Variants in PPP2R2B observed in about 807,000 individuals in gnomAD.
PPP2R2B encodes serine/threonine-protein phosphatase 2A 55 kDa regulatory subunit B beta isoform.
A neutral mutation model predicts 46.0 loss-of-function variants in PPP2R2B; 5 were observed. That is an observed-to-expected ratio of 0.11 (90% confidence interval 0.06 to 0.23). The LOEUF (loss-of-function observed/expected upper bound fraction) is 0.23, where lower values mean the gene tolerates loss of function less well. PPP2R2B is among the 10% of genes least tolerant of loss of function. The pLI is 1.00. For synonymous variants in PPP2R2B, 215 were observed against 206.7 expected (o/e 1.04, Z -0.34); for missense variants, 367 against 575.0 (o/e 0.64, Z 3.70).
intron 6 of PPP2R2B, among the ~76,000 whole-genome samples, 187 bp downstream of exon 6, chr5:146,650,360 A>C (rs1180569801): frequency 6.6e-6 from 1 of 152,198 alleles, no homozygotes; most frequent in Non-Finnish European, 1.5e-5. Context: ...CCCACTTGTA[A>C]TAACAATATT....
At chr5:146,893,570 A>C (rs536896571) in intron 1 of PPP2R2B, among the ~76,000 whole-genome samples, 7 of 152,200 alleles carry the variant, frequency 4.6e-5, no homozygotes, top group African/African-American at 1.7e-4. Flanking sequence ...CTGTAATCCC[A>C]GCACTTTGGG....
intron 2 of PPP2R2B, among the ~76,000 whole-genome samples, chr5:146,772,851 G>C (rs1201818573): frequency 6.6e-6 from 1 of 152,092 alleles, no homozygotes; most frequent in African/African-American, 2.4e-5. Flanking sequence ...AAAGGAATAT[G>C]GATAGAAATC....
intron 5 of PPP2R2B, among the ~76,000 whole-genome samples, chr5:146,666,209 A>G (rs150455589): frequency 1.2e-3 from 190 of 152,292 alleles, no homozygotes; most frequent in South Asian, 2.1e-3. Context: ...TAATATGTCT[A>G]GTGTGATCTC....
At chr5:146,776,384 G>C (rs907360922) in intron 2 of PPP2R2B, among the ~76,000 whole-genome samples, 1 of 151,962 alleles carries the variant, frequency 6.6e-6, no homozygotes, top group Non-Finnish European at 1.5e-5. Flanking sequence ...AGGGTGTCAA[G>C]ACCATTCATT....
At chr5:146,874,632 T>A (rs1004231356) in intron 2 of PPP2R2B, among the ~76,000 whole-genome samples, 1 of 152,222 alleles carries the variant, frequency 6.6e-6, no homozygotes, top group Non-Finnish European at 1.5e-5. Context: ...ACACCCCATC[T>A]ATGTAGAATA....
chr5:146,973,847 A>G (rs1015735759), intron 1 of PPP2R2B, among the ~76,000 whole-genome samples: 2 of 152,252 alleles, frequency 1.3e-5, no homozygotes, highest in Admixed American at 1.3e-4. Flanking sequence ...CAGTCACTGC[A>G]TTAGCGAAGG....
chr5:146,967,536 T>C (rs1752479536), intron 1 of PPP2R2B, among the ~76,000 whole-genome samples: 1 of 152,182 alleles, frequency 6.6e-6, no homozygotes, highest in African/African-American at 2.4e-5. Flanking sequence ...GGTTTGAACC[T>C]AGGCAGGCAG....
chr5:146,767,535 T>TACAC (rs1421869639), intron 2 of PPP2R2B, among the ~76,000 whole-genome samples: 7 of 150,228 alleles, frequency 4.7e-5, no homozygotes, highest in African/African-American at 1.8e-4. Context: ...AATACACACA[T>TACAC]ACATACACAC....
intron 2 of PPP2R2B, among the ~76,000 whole-genome samples, chr5:146,827,299 A>G (rs1758640801): frequency 6.6e-6 from 1 of 152,244 alleles, no homozygotes; most frequent in Non-Finnish European, 1.5e-5. Flanking sequence ...TCACTTTCAA[A>G]GTACCATTGG....
chr5:147,063,517 A>C (rs545095479), intron 2 of PPP2R2B, among the ~76,000 whole-genome samples: 4 of 152,324 alleles, frequency 2.6e-5, no homozygotes, highest in East Asian at 3.9e-4. Context: ...CCAATTATTC[A>C]GTGTATATAA....
At chr5:146,894,707 T>C (rs1762591947) in intron 1 of PPP2R2B, among the ~76,000 whole-genome samples, 1 of 152,214 alleles carries the variant, frequency 6.6e-6, no homozygotes. Context: ...CCCAAAATTC[T>C]GGTATTACAG....
intron 1 of PPP2R2B, among the ~76,000 whole-genome samples, chr5:146,892,258 T>G (rs1762512346): frequency 6.6e-6 from 1 of 152,162 alleles, no homozygotes; most frequent in African/African-American, 2.4e-5. Flanking sequence ...TATGAGCAAA[T>G]TCTCTTAACT....
intron 1 of PPP2R2B, among the ~76,000 whole-genome samples, chr5:146,948,766 A>G (rs1764564296): frequency 6.6e-6 from 1 of 152,176 alleles, no homozygotes; most frequent in East Asian, 1.9e-4. Flanking sequence ...AAATTAAGAT[A>G]ATATCCTTAC....
intron 1 of PPP2R2B, among the ~76,000 whole-genome samples, chr5:147,034,630 C>T (rs909027169): frequency 6.6e-6 from 1 of 152,122 alleles, no homozygotes; most frequent in African/African-American, 2.4e-5. Context: ...CCTGTCTCTT[C>T]TTATAGAACT....
chr5:146,592,152 G>C (rs1394104096), intron 9 of PPP2R2B: 5 of 447,244 alleles, frequency 1.1e-5, no homozygotes, highest in African/African-American at 4.0e-5. Context: ...CAACTGGTCA[G>C]TGTGACTTGG....
intron 2 of PPP2R2B, among the ~76,000 whole-genome samples, chr5:146,838,288 A>G (rs1759416659): frequency 6.6e-6 from 1 of 152,028 alleles, no homozygotes; most frequent in Admixed American, 6.6e-5. Context: ...ACTTAGAAGG[A>G]AGGAAGGGAG....
intron 1 of PPP2R2B, among the ~76,000 whole-genome samples, chr5:146,979,127 A>G (rs1753046790): frequency 6.6e-6 from 1 of 152,164 alleles, no homozygotes; most frequent in Non-Finnish European, 1.5e-5. Context: ...CTAATAGGAC[A>G]TATACGCTTC....
At chr5:147,061,951 T>TTTTG (rs376488773) in intron 2 of PPP2R2B, among the ~76,000 whole-genome samples, 1,842 of 152,134 alleles carry the variant, frequency 0.012, 20 homozygotes, top group East Asian at 0.031. Context: ...GCAACAGGAT[T>TTTTG]TTTGTTTGTT....
At chr5:146,702,327 G>T (rs73320035) in intron 2 of PPP2R2B, among the ~76,000 whole-genome samples, 1 of 152,254 alleles carries the variant, frequency 6.6e-6, no homozygotes, top group African/African-American at 2.4e-5. Flanking sequence ...GGCTCCTTAT[G>T]GTCATTCATT....
Sources: allele counts gnomAD v4.1 joint callset (sites outside exome capture counted in the v4.1 genomes callset), GRCh38; gene constraint gnomAD v4.1.1; transcripts MANE v1.5; gene names NCBI Gene and HGNC (gene_info 2026-07-23, HGNC 2026-07-21).